The following ATP2B2 variants were observed in gnomAD, a reference collection of about 807,000 sequenced individuals.
ATP2B2 encodes the protein ATPase plasma membrane Ca2+ transporting 2.
A neutral mutation model predicts 120.0 loss-of-function variants in ATP2B2; 15 were observed. The observed-to-expected ratio is 0.12, with a 90% CI of 0.08 to 0.19. ATP2B2 has a LOEUF of 0.19. Among genes scored for constraint, ATP2B2 ranks in the 10% least tolerant of loss-of-function variants. ATP2B2 has a pLI of 1.00. For synonymous variants in ATP2B2, 694 were observed against 700.3 expected, an observed-to-expected ratio of 0.99 and a Z score of 0.14; for missense variants, 1,045 against 1,719.8, an observed-to-expected ratio of 0.61 and a Z score of 6.94.
chr3:10,326,535 A>T lies in ATP2B2; in HGVS notation c.*2279T>A. The T allele has an allele frequency of 2.5e-6, 1 of 396,396 alleles. No homozygotes were observed. 24.6% of individuals were successfully genotyped at this position (396,396 alleles called of 1,614,324 possible). A position where few individuals can be genotyped will look rare whatever the true frequency, so the allele number is the denominator to read the frequency against. On this transcript the variant is annotated 3_prime_UTR_variant, in exon 23 of 23. Coordinates refer to ENST00000360273, the MANE Select transcript of ATP2B2 (RefSeq NM_001001331.4). ...GGAAAACTGTGAGAAAGGAAACTCC[A>T]AAAAACACCATGTTCCAAGGCTGCC...
At chr3:10,332,617 G>C (rs1001630475) in intron 22 of ATP2B2, among the ~76,000 whole-genome samples, 17 of 152,124 alleles carry the variant, frequency 1.1e-4, no homozygotes, top group African/African-American at 3.6e-4. Flanking sequence ...TCCTTTTCAC[G>C]ATATGAGGCT....
chr3:10,357,329 C>T (rs903217479), intron 14 of ATP2B2, among the ~76,000 whole-genome samples: 4 of 152,086 alleles, frequency 2.6e-5, no homozygotes, highest in Admixed American at 1.3e-4. Context: ...ACTGGTTCAA[C>T]GTCACACAGC....
intron 16 of ATP2B2, among the ~76,000 whole-genome samples, chr3:10,349,762 C>T (rs1296861664): frequency 2.6e-5 from 4 of 152,074 alleles, no homozygotes; most frequent in South Asian, 4.1e-4. Flanking sequence ...GCAGGGTCTG[C>T]GTAGTCTTTC....
At position 10,659,534 on chromosome 3, in the gene ATP2B2, A is replaced by G. The variant is rs560399747; in HGVS notation, c.-459-39573T>C. Among the ~76,000 whole-genome samples the G allele has an allele frequency of 3.3e-5, 5 of 152,348 alleles. No individual in the cohort carries two copies. In the South Asian group the frequency reaches 1.0e-3, roughly 32 times the overall value. The stretch of plus-strand genomic sequence containing the variant: ...TAATGGTAAAGGGATCAATTCAACA[A>G]GAAGAGCTAACTATCCTAAATATAT... On this transcript the variant is annotated intron_variant, in intron 1 of 21. Coordinates refer to the ATP2B2 transcript ENST00000646379.
chr3:10,495,390 C>G (rs1213922815), intron 1 of ATP2B2, among the ~76,000 whole-genome samples: 2 of 152,204 alleles, frequency 1.3e-5, no homozygotes, highest in Admixed American at 6.5e-5. Flanking sequence ...ATTCAAGAGG[C>G]CTTGGACAAG....
At chr3:10,358,004 T>C (rs1333230852) in intron 14 of ATP2B2, among the ~76,000 whole-genome samples, 2 of 152,244 alleles carry the variant, frequency 1.3e-5, no homozygotes, top group African/African-American at 4.8e-5. Context: ...TACTGTGTGC[T>C]GAGCACCCCA....
intron 1 of ATP2B2, among the ~76,000 whole-genome samples, chr3:10,662,726 G>A (rs1418939023): frequency 6.6e-6 from 1 of 151,922 alleles, no homozygotes; most frequent in Non-Finnish European, 1.5e-5. Context: ...ATTTGACCCA[G>A]CCATCCCATT....
chr3:10,615,746 T>C (rs2069368341), intron 2 of ATP2B2, among the ~76,000 whole-genome samples: 1 of 152,018 alleles, frequency 6.6e-6, no homozygotes, highest in South Asian at 2.1e-4. Context: ...CTAAGAAAAA[T>C]TATTTTTTAT....
intron 1 of ATP2B2, among the ~76,000 whole-genome samples, chr3:10,466,323 T>C (rs1218594754): frequency 6.6e-6 from 1 of 152,246 alleles, no homozygotes; most frequent in Non-Finnish European, 1.5e-5. Context: ...TGTGCATGCA[T>C]AGATGCGTGT....
chr3:10,510,781 C>G (rs1272043059), intron 3 of ATP2B2, among the ~76,000 whole-genome samples: 2 of 152,232 alleles, frequency 1.3e-5, no homozygotes, highest in Non-Finnish European at 2.9e-5. Context: ...CTGCCTTTCC[C>G]AGGCACAAGG....
At chr3:10,546,599 A>G (rs1190096110) in intron 2 of ATP2B2, among the ~76,000 whole-genome samples, 2 of 152,178 alleles carry the variant, frequency 1.3e-5, no homozygotes, top group African/African-American at 4.8e-5. Flanking sequence ...TTGGGCCTGC[A>G]GGAACTCCTC....
rs141664269 is a variant in ATP2B2, at chr3:10,530,101, A to G, written c.-320+3938T>C. Among the ~76,000 whole-genome samples the G allele has an allele frequency of 3.3e-3, 506 of 152,290 alleles. 2 individuals carry two copies. The highest frequency in any genetic ancestry group is 0.012 in the African/African-American group (482 of 41,540). On this transcript the variant is annotated intron_variant, in intron 3 of 21. Transcript: ENST00000646379. ...CGGCAGCCCTCACAAACTAATACAG[A>G]TGACAGACTCTCTTTTCGCAGTGCT...
At chr3:10,425,610 A>G (rs756323507) in intron 2 of ATP2B2, among the ~76,000 whole-genome samples, 2 of 152,142 alleles carry the variant, frequency 1.3e-5, no homozygotes, top group African/African-American at 4.8e-5. Context: ...TAGGTGTTCA[A>G]TGTGTACCCC....
intron 2 of ATP2B2, among the ~76,000 whole-genome samples, chr3:10,435,526 AG>A (rs1450759157): frequency 5.9e-5 from 9 of 152,196 alleles, no homozygotes; most frequent in Non-Finnish European, 1.3e-4. Context: ...CAGACCTCTG[AG>A]GCTCCCATTC....
Position 10,431,566 on chromosome 3 carries a change from A to G in ATP2B2, c.199+17779T>C, listed in dbSNP as rs1575205194. Among the ~76,000 whole-genome samples the G allele has an allele frequency of 2.6e-5, 4 of 152,292 alleles. No homozygotes were observed. The South Asian group carries it at 6.2e-4, about 24-fold the overall frequency. Reference sequence around the variant, plus strand: ...TGGTCTGGAACCCCCGTTATCTCCTAGGTGGATGCCTATACTTGCTTTTTT... The same window carrying G: ...TGGTCTGGAACCCCCGTTATCTCCTGGGTGGATGCCTATACTTGCTTTTTT... On this transcript the variant is annotated intron_variant, in intron 2 of 22. Transcript: ENST00000360273.
At chr3:10,474,011 G>C (rs571845445) in intron 1 of ATP2B2, among the ~76,000 whole-genome samples, 2 of 152,198 alleles carry the variant, frequency 1.3e-5, no homozygotes, top group Admixed American at 1.3e-4. Flanking sequence ...GAATGGACTG[G>C]CAGGGTGAGA....
intron 2 of ATP2B2, among the ~76,000 whole-genome samples, chr3:10,560,492 C>G (rs2067878817): frequency 6.6e-6 from 1 of 152,126 alleles, no homozygotes. Context: ...CAGCTGAGCC[C>G]CATCTTTCTC....
intron 2 of ATP2B2, among the ~76,000 whole-genome samples, chr3:10,617,399 T>C (rs1263111165): frequency 6.6e-6 from 1 of 152,220 alleles, no homozygotes; most frequent in African/African-American, 2.4e-5. Context: ...TCTACCCGCC[T>C]ATAGTCAATA....
chr3:10,692,315 C>T (rs909591515), intron 1 of ATP2B2, among the ~76,000 whole-genome samples: 4 of 152,204 alleles, frequency 2.6e-5, no homozygotes, highest in Non-Finnish European at 5.9e-5. Context: ...CCTGCCTCTC[C>T]CCCCAACCGT....
Sources: allele counts gnomAD v4.1 joint callset (sites outside exome capture counted in the v4.1 genomes callset), GRCh38; gene constraint gnomAD v4.1.1; transcripts MANE v1.5; gene names NCBI Gene and HGNC (gene_info 2026-07-23, HGNC 2026-07-21).